The following SYT13 variants were observed in gnomAD, a reference collection of about 807,000 sequenced individuals.
SYT13 encodes the protein synaptotagmin-13.
A neutral mutation model predicts 38.6 loss-of-function variants in SYT13; 21 were observed. That is an observed-to-expected ratio of 0.54 (90% CI 0.39 to 0.78). The LOEUF is 0.78. Among genes scored for constraint, SYT13 ranks in the 30% least tolerant of loss-of-function variants. The probability of loss-of-function intolerance (pLI) is 0.00; values close to 1 mark genes in which losing one functional copy is unlikely to be tolerated. For synonymous variants in SYT13, 241 were observed against 237.6 expected (o/e 1.01, Z -0.13); for missense variants, 495 against 548.7 (o/e 0.90, Z 0.98).
chr11:45,267,809 G>A lies in SYT13; in HGVS notation c.184-11918C>T, dbSNP rs180912542. On this transcript the variant is annotated intron_variant, in intron 1 of 5. Coordinates refer to ENST00000020926, the MANE Select transcript of SYT13 (RefSeq NM_020826.3). ...GGTGACACAGTTCACTCTGCAAAGGGGAAATCCACCTTGAAGAGGAGGCTT... is the reference window on the plus strand; with the variant it reads ...GGTGACACAGTTCACTCTGCAAAGGAGAAATCCACCTTGAAGAGGAGGCTT... Among the ~76,000 whole-genome samples, 192 of 152,274 alleles carry A rather than the reference G, an allele frequency of 1.3e-3. 1 individual carries two copies. The highest frequency in any genetic ancestry group is 4.3e-3 in the African/African-American group (178 of 41,568).
rs2135892857 is a variant in SYT13, at chr11:45,255,564, G to T, written c.409+102C>A. The stretch of plus-strand genomic sequence containing the variant: ...TGCTTGGCCAGCGTCAAATGCCGGG[G>T]CACTCGGCCTCCTCATCAGGCCACA... On this transcript the variant is annotated intron_variant, in intron 2 of 5. Transcript: ENST00000020926. 3 of 1,143,822 alleles carry T rather than the reference G, an allele frequency of 2.6e-6. No homozygotes were observed. In the East Asian group the frequency reaches 7.7e-5, roughly 29 times the overall value. 70.9% of individuals were successfully genotyped at this position (1,143,822 alleles called of 1,614,324 possible). A position where few individuals can be genotyped will look rare whatever the true frequency, so the allele number is the denominator to read the frequency against.
chr11:45,259,462 T>C (rs114366469), intron 1 of SYT13, among the ~76,000 whole-genome samples: 231 of 152,342 alleles, frequency 1.5e-3, no homozygotes, highest in African/African-American at 5.2e-3. Context: ...CTTGACACTC[T>C]GGCTCTGCCT....
intron 1 of SYT13, among the ~76,000 whole-genome samples, chr11:45,261,531 G>T (rs997411315): frequency 6.6e-6 from 1 of 152,012 alleles, no homozygotes; most frequent in African/African-American, 2.4e-5. Flanking sequence ...CCAGAAGGCG[G>T]AGGTTGCAGT....
chr11:45,269,402 C>A, intron 1 of SYT13: 2 of 1,176,124 alleles, frequency 1.7e-6, no homozygotes, highest in South Asian at 1.6e-5. Context: ...ATGGCAAGAT[C>A]CTACCTAGAG....
intron 1 of SYT13, among the ~76,000 whole-genome samples, chr11:45,258,930 C>G (rs1187444302): frequency 6.6e-6 from 1 of 152,200 alleles, no homozygotes; most frequent in African/African-American, 2.4e-5. Flanking sequence ...TACCTTCATC[C>G]TACTGTTTCA....
chr11:45,279,811 C>T (rs552731664), intron 1 of SYT13, among the ~76,000 whole-genome samples: 2 of 152,102 alleles, frequency 1.3e-5, no homozygotes, highest in Admixed American at 6.5e-5. Context: ...GGAGGTCAGA[C>T]CTTACAGCCT....
chr11:45,254,242 G>A (rs757233600), intron 3 of SYT13, 28 bp downstream of exon 3: 1 of 1,589,138 alleles, frequency 6.3e-7, no homozygotes, highest in East Asian at 2.2e-5. Context: ...ACACACAGAA[G>A]CCCACGAGAG....
rs147576947 is a variant in SYT13, at chr11:45,244,019, G to A, written c.*33C>T. The stretch of plus-strand genomic sequence containing the variant: ...AGGAGGTTGCAGAGGACGGGTCAGG[G>A]CTGTCCAAGAAGGGAGGCAGCTGGG... On this transcript the variant is annotated 3_prime_UTR_variant, in exon 6 of 6. Coordinates refer to ENST00000020926, the MANE Select transcript of SYT13 (RefSeq NM_020826.3). 8.0e-3 allele frequency: 12,484 copies of A among 1,566,352 alleles called. 64 individuals carry two copies. Among genetic ancestry groups the A allele is most frequent in the Non-Finnish European group, 9.6e-3 (11,106 of 1,160,274 alleles).
chr11:45,270,053 A>C (rs1290569138), intron 1 of SYT13, among the ~76,000 whole-genome samples: 1 of 152,212 alleles, frequency 6.6e-6, no homozygotes, highest in Non-Finnish European at 1.5e-5. Flanking sequence ...TCCAGTGGCC[A>C]CAACAAGGCT....
At position 45,246,463 on chromosome 11, in the gene SYT13, G is replaced by A. The variant is rs567477466; in HGVS notation, c.896C>T (p.Pro299Leu). 49 of 1,614,126 alleles carry A rather than the reference G, an allele frequency of 3.0e-5. No homozygotes were observed. Among genetic ancestry groups the A allele is most frequent in the Non-Finnish European group, 4.0e-5 (47 of 1,180,020 alleles). ...CACCACCAGGAGGCGGTTGGCAGCC[G>A]GGAGGTAGCTGATGGATAGTAGGAC... is the stretch of plus-strand genomic sequence containing the variant. ...GEVLLSISYL[P>L]AANRLLVVLI... Residue 299 changes from proline to leucine, a missense_variant, in exon 5 of 6, where the codon CCG becomes CTG. Coordinates refer to ENST00000020926, the MANE Select transcript of SYT13 (RefSeq NM_020826.3).
At position 45,244,360 on chromosome 11, in the gene SYT13, G is replaced by A. The variant is rs749489049; in HGVS notation, c.977-4C>T. The A allele has an allele frequency of 6.2e-7, 1 of 1,610,414 alleles. No individual in the cohort carries two copies. The highest frequency in any genetic ancestry group is 8.5e-7 in the Non-Finnish European group (1 of 1,177,690). The stretch of plus-strand genomic sequence containing the variant: ...AAGGTCACCTTGACAGAGACATCTG[G>A]GGAGGGGCAGAGGGGAAAAAGAGAC... On this transcript the variant is annotated splice_polypyrimidine_tract_variant and splice_region_variant and intron_variant, in intron 5 of 5. Coordinates refer to ENST00000020926, the MANE Select transcript of SYT13 (RefSeq NM_020826.3).
At chr11:45,263,252 G>A (rs1482819589) in intron 1 of SYT13, among the ~76,000 whole-genome samples, 4 of 152,204 alleles carry the variant, frequency 2.6e-5, no homozygotes, top group Admixed American at 1.3e-4. Context: ...GGAGTAAACA[G>A]GACAGATGCT....
intron 1 of SYT13, among the ~76,000 whole-genome samples, chr11:45,266,520 A>G (rs1449100632): frequency 6.6e-6 from 1 of 151,738 alleles, no homozygotes; most frequent in African/African-American, 2.4e-5. Context: ...ACACACACAC[A>G]CACACACACA....
At chr11:45,260,514 C>T (rs1441475906) in intron 1 of SYT13, among the ~76,000 whole-genome samples, 1 of 152,046 alleles carries the variant, frequency 6.6e-6, no homozygotes, top group Non-Finnish European at 1.5e-5. Flanking sequence ...GGTAGCAGGG[C>T]CCTAGAGAGA....
chr11:45,254,977 A>T (rs1367904046), intron 2 of SYT13, among the ~76,000 whole-genome samples: 1 of 152,046 alleles, frequency 6.6e-6, no homozygotes, highest in East Asian at 1.9e-4. Flanking sequence ...TTATCTGGGC[A>T]TGGTGGCATG....
chr11:45,251,586 G>C (rs1212510958), intron 4 of SYT13, among the ~76,000 whole-genome samples: 1 of 151,992 alleles, frequency 6.6e-6, no homozygotes, highest in East Asian at 1.9e-4. Context: ...TTTCCTCAAG[G>C]AACCACAGTG....
rs763805318 is a variant in SYT13 at position 45,244,283 on chromosome 11, G to A, written c.1050C>T (p.His350=). ...LKKKQTKRAK[H]KINPVWNEMI... ...TCTCGTTCCACACGGGGTTGATCTT[G>A]TGCTTAGCTCGTTTAGTCTGCTTCT... Residue 350 remains histidine (H), a synonymous_variant, in exon 6 of 6, where the codon CAC becomes CAT. Transcript: ENST00000020926. The A allele has an allele frequency of 6.2e-7, 1 of 1,614,022 alleles. No individual in the cohort carries two copies. The highest frequency in any genetic ancestry group is 1.3e-5 in the African/African-American group (1 of 75,042).
At chr11:45,254,234 A>C in intron 3 of SYT13, 36 bp downstream of exon 3, 1 of 1,579,802 alleles carries the variant, frequency 6.3e-7, no homozygotes, top group Non-Finnish European at 8.6e-7. Flanking sequence ...GGAGATAGAC[A>C]CACAGAAGCC....
chr11:45,273,082 G>T (rs1854969766), intron 1 of SYT13, among the ~76,000 whole-genome samples: 1 of 152,174 alleles, frequency 6.6e-6, no homozygotes, highest in Non-Finnish European at 1.5e-5. Flanking sequence ...CATTATAACT[G>T]GGTAATTGAG....
Sources: allele counts gnomAD v4.1 joint callset (sites outside exome capture counted in the v4.1 genomes callset), GRCh38; gene constraint gnomAD v4.1.1; transcripts MANE v1.5; gene names NCBI Gene and HGNC (gene_info 2026-07-23, HGNC 2026-07-21).